The following SLC25A21 variants were observed in gnomAD, a reference collection of about 807,000 sequenced individuals.
SLC25A21 encodes the protein mitochondrial 2-oxodicarboxylate carrier.
Under a neutral mutation model 43.8 loss-of-function variants are expected in SLC25A21, and 47 were observed. That is an observed-to-expected ratio of 1.07 (90% CI 0.85 to 1.37). The LOEUF (loss-of-function observed/expected upper bound fraction) is 1.37. Ranked by LOEUF, SLC25A21 falls within the 40% of genes most tolerant of loss-of-function variation. SLC25A21 has a pLI of 0.00. For synonymous variants in SLC25A21, 131 were observed against 121.3 expected, an observed-to-expected ratio of 1.08 and a Z score of -0.52; for missense variants, 352 against 350.2, an observed-to-expected ratio of 1.00 and a Z score of -0.04.
intron 1 of SLC25A21, among the ~76,000 whole-genome samples, chr14:37,127,041 C>T (rs974490385): frequency 6.6e-6 from 1 of 152,068 alleles, no homozygotes; most frequent in African/African-American, 2.4e-5. Flanking sequence ...GCTTGCCCAT[C>T]CCCAGCCTGG....
chr14:36,990,360 A>T (rs1434555820), intron 1 of SLC25A21, among the ~76,000 whole-genome samples: 1 of 152,294 alleles, frequency 6.6e-6, no homozygotes, highest in Admixed American at 6.5e-5. Context: ...ATATTCATTG[A>T]TTACACTACT....
intron 1 of SLC25A21, among the ~76,000 whole-genome samples, chr14:37,160,489 T>C (rs1363098108): frequency 6.6e-6 from 1 of 152,186 alleles, no homozygotes; most frequent in East Asian, 1.9e-4. Context: ...TATTGCATGT[T>C]CTCACTTATA....
intron 1 of SLC25A21, among the ~76,000 whole-genome samples, chr14:36,994,831 C>G (rs1960338213): frequency 6.6e-6 from 1 of 152,152 alleles, no homozygotes; most frequent in Admixed American, 6.6e-5. Flanking sequence ...CCAATGCAGT[C>G]CTCGTTTCCA....
intron 1 of SLC25A21, among the ~76,000 whole-genome samples, chr14:37,141,752 A>C (rs1353314002): frequency 6.6e-6 from 1 of 152,152 alleles, no homozygotes; most frequent in Non-Finnish European, 1.5e-5. Context: ...ACTATATGTC[A>C]CTTTTTATAT....
intron 1 of SLC25A21, among the ~76,000 whole-genome samples, chr14:36,937,615 G>A (rs1892456729): frequency 1.3e-5 from 2 of 152,162 alleles, no homozygotes; most frequent in Admixed American, 6.5e-5. Flanking sequence ...AGACAATGAC[G>A]TAAACTATGC....
intron 1 of SLC25A21, among the ~76,000 whole-genome samples, chr14:36,912,546 G>A (rs1249477119): frequency 6.6e-6 from 1 of 152,174 alleles, no homozygotes; most frequent in African/African-American, 2.4e-5. Flanking sequence ...TAGTCTCATT[G>A]GAAAGGTATC....
At chr14:36,984,446 TCA>T (rs1960100689) in intron 1 of SLC25A21, among the ~76,000 whole-genome samples, 1 of 152,176 alleles carries the variant, frequency 6.6e-6, no homozygotes, top group South Asian at 2.1e-4. Context: ...GTTTTTAACT[TCA>T]ACTTTTTTAT....
At chr14:36,834,840 T>A (rs1369014204) in intron 2 of SLC25A21, among the ~76,000 whole-genome samples, 2 of 152,094 alleles carry the variant, frequency 1.3e-5, no homozygotes, top group Non-Finnish European at 2.9e-5. Flanking sequence ...TAAAAAAAAA[T>A]CTTTTCCTAG....
chr14:37,062,281 G>A (rs1010150977), intron 1 of SLC25A21, among the ~76,000 whole-genome samples: 3 of 152,020 alleles, frequency 2.0e-5, no homozygotes, highest in African/African-American at 7.3e-5. Flanking sequence ...ACATCCCCAT[G>A]GTACTTTACC....
chr14:36,825,926 C>A (rs1888815401), intron 2 of SLC25A21, among the ~76,000 whole-genome samples: 1 of 152,118 alleles, frequency 6.6e-6, no homozygotes, highest in Non-Finnish European at 1.5e-5. Flanking sequence ...TTTAAGTGAG[C>A]AGATTAGAGT....
At position 36,710,086 on chromosome 14, in the gene SLC25A21, G is replaced by A. The variant is rs184279667; in HGVS notation, c.603+1232C>T. 6.9e-3 allele frequency among the ~76,000 whole-genome samples: 1,048 copies of A among 152,230 alleles called. 8 individuals carry two copies. Among genetic ancestry groups the A allele is most frequent in the African/African-American group, 0.023 (968 of 41,548 alleles). The stretch of plus-strand genomic sequence containing the variant: ...AAAACGTTATTATTATGATTATTTA[G>A]AAATAAGGTCTTACTTGGCTGGGCG... On this transcript the variant is annotated intron_variant, in intron 7 of 9. Coordinates refer to ENST00000331299, the MANE Select transcript of SLC25A21 (RefSeq NM_030631.4).
At chr14:37,077,152 T>C (rs1018848165) in intron 1 of SLC25A21, among the ~76,000 whole-genome samples, 37 of 152,166 alleles carry the variant, frequency 2.4e-4, no homozygotes, top group Non-Finnish European at 4.1e-4. Context: ...AGTCAATACT[T>C]GCACCACGCT....
intron 3 of SLC25A21, among the ~76,000 whole-genome samples, chr14:36,807,814 TC>T (rs1888098904): frequency 1.3e-5 from 2 of 152,158 alleles, no homozygotes; most frequent in African/African-American, 4.8e-5. Context: ...TCATTCCCCT[TC>T]TTAATGAAAA....
At chr14:37,138,098 C>T (rs1963513157) in intron 1 of SLC25A21, among the ~76,000 whole-genome samples, 1 of 152,106 alleles carries the variant, frequency 6.6e-6, no homozygotes, top group Admixed American at 6.5e-5. Flanking sequence ...GATTATCAAT[C>T]ACTTTGGATG....
chr14:37,027,022 A>C (rs892874505), intron 1 of SLC25A21, among the ~76,000 whole-genome samples: 3 of 152,160 alleles, frequency 2.0e-5, no homozygotes, highest in Admixed American at 1.3e-4. Flanking sequence ...GAAATTGTTT[A>C]AGCTACCATC....
chr14:36,994,811 T>C (rs1022474540), intron 1 of SLC25A21, among the ~76,000 whole-genome samples: 2 of 152,176 alleles, frequency 1.3e-5, no homozygotes, highest in Admixed American at 6.6e-5. Context: ...AAAGGAAACG[T>C]GGCATTAAAC....
At chr14:36,810,882 A>AAAG (rs1555329732) in intron 3 of SLC25A21, among the ~76,000 whole-genome samples, 2 of 94,472 alleles carry the variant, frequency 2.1e-5, no homozygotes, top group African/African-American at 3.3e-5. Flanking sequence ...TAGAGAAAGA[A>AAAG]AAGAGTGGGG....
intron 1 of SLC25A21, among the ~76,000 whole-genome samples, chr14:37,114,544 A>G (rs1963072927): frequency 6.6e-6 from 1 of 152,246 alleles, no homozygotes. Flanking sequence ...AGGTTGTTCT[A>G]GTAAAACACG....
chr14:37,012,237 C>G (rs909015), intron 1 of SLC25A21, among the ~76,000 whole-genome samples: 2 of 152,030 alleles, frequency 1.3e-5, no homozygotes, highest in African/African-American at 4.8e-5. Flanking sequence ...GATATGTAGT[C>G]TATATAATAA....
Sources: gnomAD v4.1 joint callset for allele counts (sites outside exome capture counted in the v4.1 genomes callset) on GRCh38, gnomAD v4.1.1 for gene constraint, MANE v1.5 for transcripts, NCBI Gene and HGNC (gene_info 2026-07-23, HGNC 2026-07-21) for gene names.